The following MMRN1 variants were observed in gnomAD, a reference collection of about 807,000 sequenced individuals.
MMRN1 encodes multimerin-1.
In MMRN1, 94 loss-of-function variants were observed where a neutral mutation model predicts 100.7. The observed-to-expected ratio is 0.93, with a 90% CI of 0.79 to 1.11. The LOEUF (loss-of-function observed/expected upper bound fraction) is 1.11, where lower values mean the gene tolerates loss of function less well. Ranked by LOEUF, MMRN1 falls within the 50% of genes least tolerant of loss-of-function variation. The pLI is 0.00. For missense variants in MMRN1, 1,606 were observed against 1,439.1 expected (o/e 1.12, Z -1.88); for synonymous variants, 575 against 505.0 (o/e 1.14, Z -1.86).
chr4:89,885,659 G>C (rs1184446302), intron 1 of MMRN1, among the ~76,000 whole-genome samples: 1 of 152,026 alleles, frequency 6.6e-6, no homozygotes, highest in Non-Finnish European at 1.5e-5. Flanking sequence ...TTTCATTTAA[G>C]TTGCCAGATA....
rs1389678211 is a variant in MMRN1, at chr4:89,936,063, A to G, written c.2383A>G (p.Arg795Gly). ...TCAGACTTTGGTCAATGACAATCAG[A>G]GATATAACTTTGTTTTGCAAGTCGC... is the stretch of plus-strand genomic sequence containing the variant. ...SIQTLVNDNQ[R>G]YNFVLQVAKT... Residue 795 changes from arginine to glycine, a missense_variant, in exon 6 of 8, where the codon AGA (arginine) becomes GGA (glycine). By Grantham distance (125) the Arg-to-Gly change is moderately radical. Coordinates refer to ENST00000264790, the MANE Select transcript of MMRN1 (RefSeq NM_007351.3). 3.1e-6 allele frequency: 5 copies of G among 1,611,800 alleles called. No homozygotes were observed. Among genetic ancestry groups the G allele is most frequent in the East Asian group, 2.2e-5 (1 of 44,824 alleles).
intron 5 of MMRN1, among the ~76,000 whole-genome samples, chr4:89,929,607 T>C (rs1722373325): frequency 6.6e-6 from 1 of 152,160 alleles, no homozygotes; most frequent in Admixed American, 6.6e-5. Flanking sequence ...CAACTGTTTT[T>C]TTGTGACCTA....
chr4:89,930,647 G>T (rs1322678477), intron 5 of MMRN1, among the ~76,000 whole-genome samples: 1 of 151,860 alleles, frequency 6.6e-6, no homozygotes, highest in Non-Finnish European at 1.5e-5. Context: ...GAGAATTAGA[G>T]TCATTTTTAA....
At chr4:89,910,563 C>T (rs1721717144) in intron 2 of MMRN1, among the ~76,000 whole-genome samples, 1 of 151,298 alleles carries the variant, frequency 6.6e-6, no homozygotes, top group Admixed American at 6.6e-5. Context: ...TTCAGTTTGC[C>T]AAAGCAGGAA....
chr4:89,899,438 TC>T (rs1242130829), intron 1 of MMRN1, among the ~76,000 whole-genome samples: 2 of 152,120 alleles, frequency 1.3e-5, no homozygotes, highest in Non-Finnish European at 2.9e-5. Context: ...CTCCTACATG[TC>T]CTGCCTTATG....
At chr4:89,931,928 A>G (rs764202116) in intron 5 of MMRN1, among the ~76,000 whole-genome samples, 5 of 152,124 alleles carry the variant, frequency 3.3e-5, no homozygotes, top group Admixed American at 6.6e-5. Flanking sequence ...TCACATTTCA[A>G]AACCAATCAT....
chr4:89,889,166 C>T (rs920603560), intron 1 of MMRN1, among the ~76,000 whole-genome samples: 7 of 152,118 alleles, frequency 4.6e-5, no homozygotes, highest in Non-Finnish European at 7.4e-5. Context: ...TAACTCACCA[C>T]GCTCTTAAAA....
chr4:89,906,719 G>A (rs1452846299), intron 1 of MMRN1, among the ~76,000 whole-genome samples: 1 of 151,242 alleles, frequency 6.6e-6, no homozygotes, highest in Non-Finnish European at 1.5e-5. Flanking sequence ...ATCCCTTAAT[G>A]AGCTTATTTC....
In MMRN1 at chr4:89,895,520, C is replaced by T. The variant is rs755433946; in HGVS notation, c.549C>T (p.Tyr183=). The T allele has an allele frequency of 4.3e-6, 7 of 1,613,772 alleles. No homozygotes were observed. Among genetic ancestry groups the T allele is most frequent in the Non-Finnish European group, 5.1e-6 (6 of 1,179,880 alleles). ...GVGNRAPRET[Y]LSRGDSSSSQ... ...GAAATCGAGCCCCACGGGAAACATA[C>T]CTCAGCCGGGGTGACAGCAGTTCCA... The change falls in exon 1 of 8, where the codon TAC becomes TAT. Residue 183 remains tyrosine (Y), a synonymous_variant. Transcript: ENST00000264790.
chr4:89,921,826 T>G (rs1200730867), intron 3 of MMRN1, among the ~76,000 whole-genome samples: 1 of 152,182 alleles, frequency 6.6e-6, no homozygotes, highest in African/African-American at 2.4e-5. Flanking sequence ...CCCAAATTAA[T>G]GCCAAATATA....
At chr4:89,918,067 T>C (rs1578481655) in intron 3 of MMRN1, among the ~76,000 whole-genome samples, 3 of 151,764 alleles carry the variant, frequency 2.0e-5, no homozygotes, top group African/African-American at 7.2e-5. Context: ...AATTTTATTT[T>C]CAAACAATTC....
intron 6 of MMRN1, among the ~76,000 whole-genome samples, chr4:89,943,027 AG>A (rs1194421482): frequency 6.6e-6 from 1 of 152,134 alleles, no homozygotes; most frequent in African/African-American, 2.4e-5. Flanking sequence ...GGTGTGGGTG[AG>A]CAGAGCCAGG....
At chr4:89,880,992 T>C (rs1027989373) in intron 1 of MMRN1, among the ~76,000 whole-genome samples, 2 of 152,158 alleles carry the variant, frequency 1.3e-5, no homozygotes, top group Non-Finnish European at 1.5e-5. Flanking sequence ...ATAAAGTCGA[T>C]AAATGTAATA....
At chr4:89,903,796 A>T (rs1439258126) in intron 1 of MMRN1, among the ~76,000 whole-genome samples, 1 of 150,394 alleles carries the variant, frequency 6.6e-6, no homozygotes, top group Admixed American at 6.7e-5. Flanking sequence ...GCGACGAACT[A>T]TGTTATGGGA....
chr4:89,948,620 AG>A (rs1311043734), intron 6 of MMRN1, among the ~76,000 whole-genome samples: 1 of 152,224 alleles, frequency 6.6e-6, no homozygotes, highest in Non-Finnish European at 1.5e-5. Context: ...TCATTTCAGC[AG>A]GGGTAACTAG....
chr4:89,895,332 G>T lies in MMRN1; in HGVS notation c.361G>T (p.Ala121Ser). 1 of 1,613,840 alleles carries T rather than the reference G, an allele frequency of 6.2e-7. No homozygotes were observed. The highest frequency in any genetic ancestry group is 2.2e-5 in the East Asian group (1 of 44,824). ...KLQNLTLPTN[A>S]SIKFNPGAES... The stretch of plus-strand genomic sequence containing the variant: ...ACAGAATCTTACCCTCCCAACCAAC[G>T]CTAGCATCAAGTTCAATCCTGGAGC... The change falls in exon 1 of 8, where the codon GCT becomes TCT. Residue 121 changes from alanine (A) to serine (S), a missense_variant. By Grantham distance (99) the Ala-to-Ser change is moderately conservative. Coordinates refer to ENST00000264790, the MANE Select transcript of MMRN1 (RefSeq NM_007351.3).
At chr4:89,940,154 TGTA>T (rs1382963699) in intron 6 of MMRN1, among the ~76,000 whole-genome samples, 1 of 152,184 alleles carries the variant, frequency 6.6e-6, no homozygotes. Context: ...AAGATTTGTT[TGTA>T]CAGCAATTGG....
intron 1 of MMRN1, among the ~76,000 whole-genome samples, chr4:89,904,640 CTG>C (rs1365265303): frequency 6.6e-6 from 1 of 151,200 alleles, no homozygotes; most frequent in African/African-American, 2.4e-5. Context: ...GCGTGTGTGT[CTG>C]TGTGTGTTTG....
intron 1 of MMRN1, among the ~76,000 whole-genome samples, chr4:89,880,609 C>T (rs539923403): frequency 2.5e-4 from 38 of 152,234 alleles, no homozygotes; most frequent in African/African-American, 8.7e-4. Context: ...ATAGATGAGT[C>T]CAGTCCCTTC....
Sources: gnomAD v4.1 joint callset for allele counts (sites outside exome capture counted in the v4.1 genomes callset) on GRCh38, gnomAD v4.1.1 for gene constraint, MANE v1.5 for transcripts, NCBI Gene and HGNC (gene_info 2026-07-23, HGNC 2026-07-21) for gene names.